Variants in LARP1 observed in about 807,000 individuals in gnomAD.
The protein encoded by LARP1 is la-related protein 1.
Under a neutral mutation model 122.7 loss-of-function variants are expected in LARP1, and 36 were observed. That is an observed-to-expected ratio of 0.29 (90% confidence interval 0.22 to 0.39). The LOEUF is 0.39. LARP1 is among the 10% of genes least tolerant of loss of function. LARP1 has a pLI of 1.00. For synonymous variants in LARP1, 539 were observed against 528.7 expected, an observed-to-expected ratio of 1.02 and a Z score of -0.27; for missense variants, 1,040 against 1,403.6, an observed-to-expected ratio of 0.74 and a Z score of 4.14.
chr5:154,811,037 C>T (rs1382189118), intron 16 of LARP1, among the ~76,000 whole-genome samples: 1 of 152,166 alleles, frequency 6.6e-6, no homozygotes, highest in Non-Finnish European at 1.5e-5. Flanking sequence ...ATGTCTGTGG[C>T]AGGGGGACAG....
chr5:154,792,275 T>TA (rs1757409174), intron 3 of LARP1, among the ~76,000 whole-genome samples: 1 of 152,214 alleles, frequency 6.6e-6, no homozygotes, highest in African/African-American at 2.4e-5. Flanking sequence ...TTGTTGTTGA[T>TA]AGGCCAGGGG....
At chr5:154,754,850 C>T (rs1753703050), upstream of LARP1, among the ~76,000 whole-genome samples, 1 of 152,124 alleles carries the variant, frequency 6.6e-6, no homozygotes, top group Admixed American at 6.5e-5. Context: ...GTTGGCGCGT[C>T]CTCGGGGCGG....
At chr5:154,765,927 A>G (rs1403164598) in intron 1 of LARP1, among the ~76,000 whole-genome samples, 1 of 152,232 alleles carries the variant, frequency 6.6e-6, no homozygotes, top group East Asian at 1.9e-4. Context: ...TCTGCAAGAA[A>G]CACATGCACT....
chr5:154,689,071 C>A (rs1203227410), intron 1 of LARP1, among the ~76,000 whole-genome samples: 1 of 151,866 alleles, frequency 6.6e-6, no homozygotes, highest in Non-Finnish European at 1.5e-5. Context: ...GTAATCCTAG[C>A]GCTTTGGGAG....
chr5:154,787,733 A>G (rs1757001738), intron 1 of LARP1, among the ~76,000 whole-genome samples: 1 of 152,150 alleles, frequency 6.6e-6, no homozygotes, highest in Non-Finnish European at 1.5e-5. Flanking sequence ...GTGGGTTTTC[A>G]GGACAGAGGA....
intron 1 of LARP1, among the ~76,000 whole-genome samples, chr5:154,731,182 G>C (rs1490512728): frequency 6.6e-6 from 1 of 151,830 alleles, no homozygotes. Flanking sequence ...TCATAACCGT[G>C]TGAAAGGAGA....
chr5:154,782,977 C>T (rs1392901857), intron 1 of LARP1, among the ~76,000 whole-genome samples: 1 of 152,186 alleles, frequency 6.6e-6, no homozygotes, highest in East Asian at 1.9e-4. Context: ...GGATGAATGA[C>T]AGCTGAAAGT....
At chr5:154,796,018 T>C (rs1290733783) in intron 8 of LARP1, among the ~76,000 whole-genome samples, 11 of 101,112 alleles carry the variant, frequency 1.1e-4, no homozygotes, top group African/African-American at 4.3e-4. Flanking sequence ...TATATTTATA[T>C]ATTATATATA....
At chr5:154,684,613 T>C (rs1753839660) in intron 1 of LARP1, among the ~76,000 whole-genome samples, 1 of 152,146 alleles carries the variant, frequency 6.6e-6, no homozygotes, top group Admixed American at 6.6e-5. Context: ...ATGGGTACCA[T>C]TGCTGCATGA....
At chr5:154,782,368 A>G (rs1214054633) in intron 1 of LARP1, among the ~76,000 whole-genome samples, 1 of 152,168 alleles carries the variant, frequency 6.6e-6, no homozygotes, top group Non-Finnish European at 1.5e-5. Flanking sequence ...TTGATTATTG[A>G]TCAGCTTTGA....
At position 154,803,183 on chromosome 5, in the gene LARP1, G is replaced by A. The variant is rs1488266760; in HGVS notation, c.2110-107G>A. Reference sequence around the variant, plus strand: ...TGGGGACCAGAATTCCACGTATGTCGACGTGGGAGCTGCCCTCTCCAACTT... The same window carrying A: ...TGGGGACCAGAATTCCACGTATGTCAACGTGGGAGCTGCCCTCTCCAACTT... On this transcript the variant is annotated intron_variant, in intron 11 of 18. Transcript: ENST00000518297. This position sits in a 1 kb window ranked among gnomAD's most constrained non-coding sequence, Gnocchi z 4.4. 7 of 1,427,004 alleles carry A rather than the reference G, an allele frequency of 4.9e-6. No individual in the cohort carries two copies. Among genetic ancestry groups the A allele is most frequent in the Admixed American group, 1.8e-5 (1 of 56,898 alleles). 88.4% of individuals were successfully genotyped at this position (1,427,004 alleles called of 1,614,324 possible).
intron 1 of LARP1, among the ~76,000 whole-genome samples, chr5:154,736,996 G>A (rs117247290): frequency 0.031 from 4,710 of 152,156 alleles, 116 homozygotes; most frequent in East Asian, 0.1. Context: ...TTTCTGGTTT[G>A]TTTTGATAGT....
intron 1 of LARP1, among the ~76,000 whole-genome samples, chr5:154,722,246 C>T (rs566638085): frequency 2.2e-4 from 33 of 152,286 alleles, no homozygotes; most frequent in Admixed American, 1.1e-3. Context: ...TTCCAGCATC[C>T]CTACCTCCTC....
At chr5:154,710,877 A>T (rs1409896127), upstream of LARP1, among the ~76,000 whole-genome samples, 3 of 152,118 alleles carry the variant, frequency 2.0e-5, no homozygotes, top group East Asian at 5.8e-4. Flanking sequence ...CAGCAATACC[A>T]ACAAACTCAC....
chr5:154,760,110 T>C (rs1754330248), intron 1 of LARP1, among the ~76,000 whole-genome samples: 1 of 152,140 alleles, frequency 6.6e-6, no homozygotes, highest in Non-Finnish European at 1.5e-5. Flanking sequence ...CGGCTAATTT[T>C]GTATTTTTAG....
upstream of LARP1, among the ~76,000 whole-genome samples, chr5:154,711,395 C>T (rs890912799): frequency 6.6e-6 from 1 of 152,174 alleles, no homozygotes; most frequent in Non-Finnish European, 1.5e-5. Context: ...CCACCTCAGC[C>T]TCCCAAAGTG....
intron 1 of LARP1, among the ~76,000 whole-genome samples, chr5:154,692,988 A>AT (rs113484244): frequency 0.46 from 64,893 of 141,496 alleles, 15,636 homozygotes; most frequent in Non-Finnish European, 0.54. Context: ...TTAATTTTTA[A>AT]TTATTTTTTT....
intron 1 of LARP1, among the ~76,000 whole-genome samples, chr5:154,769,471 G>A (rs552725043): frequency 2.6e-5 from 4 of 152,232 alleles, no homozygotes; most frequent in African/African-American, 7.2e-5. Context: ...GGTGGGGGAC[G>A]TGGGGACGAC....
At chr5:154,780,488 G>A (rs1756333006) in intron 1 of LARP1, among the ~76,000 whole-genome samples, 1 of 152,204 alleles carries the variant, frequency 6.6e-6, no homozygotes, top group African/African-American at 2.4e-5. Flanking sequence ...GTATTTTGTT[G>A]AGGAGCAGAT....
Sources: gnomAD v4.1 joint callset for allele counts (sites outside exome capture counted in the v4.1 genomes callset) on GRCh38, gnomAD v4.1.1 for gene constraint, Gnocchi (gnomAD v3.1) non-coding constraint, MANE v1.5 for transcripts, NCBI Gene and HGNC (gene_info 2026-07-23, HGNC 2026-07-21) for gene names.